Variants in CLSTN1 observed in about 807,000 individuals in gnomAD.
CLSTN1 encodes calsyntenin-1.
In CLSTN1, 28 loss-of-function variants were observed where a neutral mutation model predicts 108.3. The ratio of observed to expected loss-of-function variants is 0.26; its 90% confidence interval spans 0.19 to 0.35. CLSTN1 has a LOEUF of 0.35. Among genes scored for constraint, CLSTN1 ranks in the 10% least tolerant of loss-of-function variants. The pLI is 1.00. For synonymous variants in CLSTN1, 524 were observed against 534.9 expected, an observed-to-expected ratio of 0.98 and a Z score of 0.28; for missense variants, 1,157 against 1,302.6, an observed-to-expected ratio of 0.89 and a Z score of 1.72.
At position 9,743,965 on chromosome 1, in the gene CLSTN1, G is replaced by A; in HGVS notation, c.1275C>T (p.Cys425=). 1 of 1,614,160 alleles carries A rather than the reference G, an allele frequency of 6.2e-7. No homozygotes were observed. The highest frequency in any genetic ancestry group is 8.5e-7 in the Non-Finnish European group (1 of 1,180,004). ...CCTGACGGAAGAGGAAGATCAGCCGGCACCCGTGGACATAGAGGGAGTAGT... is the reference window on the plus strand; with the variant it reads ...CCTGACGGAAGAGGAAGATCAGCCGACACCCGTGGACATAGAGGGAGTAGT... ...RHHYSLYVHG[C]RLIFLFRQDP... Residue 425 remains cysteine (C), a synonymous_variant, in exon 9 of 19, where the codon TGC becomes TGT. Coordinates refer to ENST00000377298, the MANE Select transcript of CLSTN1 (RefSeq NM_001009566.3).
chr1:9,759,730 A>T (rs1651979213), intron 2 of CLSTN1, among the ~76,000 whole-genome samples: 1 of 152,248 alleles, frequency 6.6e-6, no homozygotes, highest in African/African-American at 2.4e-5. Flanking sequence ...AAAGCTTAAA[A>T]TAGTCCCTAT....
chr1:9,741,365 A>G (rs1203704016), intron 9 of CLSTN1, 109 bp from the exon 10 acceptor site: 2 of 1,106,574 alleles, frequency 1.8e-6, no homozygotes, highest in Admixed American at 5.1e-5. Context: ...GAGGAAAAGG[A>G]TGAAAAAAAT....
At position 9,734,277 on chromosome 1, in the gene CLSTN1, G is replaced by C. The variant is rs1232255116; in HGVS notation, c.2111-135C>G. Reference sequence around the variant, plus strand: ...GGACCAACGACAGAAGCAAGCGAGAGTTGCTTTCAAGAAACGGCTGGGCGC... The same window carrying C: ...GGACCAACGACAGAAGCAAGCGAGACTTGCTTTCAAGAAACGGCTGGGCGC... On this transcript the variant is annotated intron_variant, in intron 14 of 18. Transcript: ENST00000377298. The surrounding 1 kb of genome is among the most constrained non-coding windows in gnomAD (Gnocchi z 4.8). 1 of 869,624 alleles carries C rather than the reference G, an allele frequency of 1.1e-6. No individual in the cohort carries two copies. The highest frequency in any genetic ancestry group is 1.8e-6 in the Non-Finnish European group (1 of 567,520). The allele number at this position is 869,624 out of a possible 1,614,324, so 53.9% of individuals were successfully genotyped here.
chr1:9,789,812 T>C (rs953934698), intron 1 of CLSTN1, among the ~76,000 whole-genome samples: 3 of 151,268 alleles, frequency 2.0e-5, no homozygotes, highest in African/African-American at 7.2e-5. Flanking sequence ...AACCCGTCTC[T>C]AGTAAAAAAT....
chr1:9,758,709 CA>C (rs1651933508), intron 2 of CLSTN1, among the ~76,000 whole-genome samples: 1 of 152,206 alleles, frequency 6.6e-6, no homozygotes, highest in African/African-American at 2.4e-5. Flanking sequence ...TACTACCTAA[CA>C]GTGAGAATCC....
chr1:9,758,912 G>A (rs1008246800), intron 2 of CLSTN1, among the ~76,000 whole-genome samples: 31 of 152,258 alleles, frequency 2.0e-4, no homozygotes, highest in Admixed American at 3.3e-4. Flanking sequence ...GCCTCTGTAC[G>A]CCTGTGCTGC....
chr1:9,736,153 C>G, intron 11 of CLSTN1, 111 bp from the exon 12 acceptor site: 1 of 1,288,570 alleles, frequency 7.8e-7, no homozygotes, highest in Non-Finnish European at 1.1e-6. Flanking sequence ...GATGGACATG[C>G]GGGTTAGTTC....
At chr1:9,802,731 T>C (rs1351439140) in intron 1 of CLSTN1, among the ~76,000 whole-genome samples, 2 of 152,148 alleles carry the variant, frequency 1.3e-5, no homozygotes, top group Admixed American at 6.6e-5. Flanking sequence ...TGTTTCCTCT[T>C]TGGTAAAATG....
intron 16 of CLSTN1, 106 bp downstream of exon 16, chr1:9,733,295 C>T: frequency 7.2e-7 from 1 of 1,382,414 alleles, no homozygotes; most frequent in South Asian, 1.2e-5. Context: ...TGTATAGCTG[C>T]CATCATGAAT....
At chr1:9,768,412 C>CAT (rs111523731) in intron 2 of CLSTN1, among the ~76,000 whole-genome samples, 1 of 36,152 alleles carries the variant, frequency 2.8e-5, no homozygotes, top group African/African-American at 1.1e-4. Context: ...TGGGCGGCAC[C>CAT]GGGGGGCGGG....
intron 4 of CLSTN1, among the ~76,000 whole-genome samples, chr1:9,752,027 G>A (rs766027404): frequency 3.3e-5 from 5 of 151,992 alleles, no homozygotes; most frequent in African/African-American, 7.2e-5. Context: ...AATACCAGAC[G>A]TCTGTTTGCT....
At chr1:9,795,381 G>C (rs1653944551) in intron 1 of CLSTN1, among the ~76,000 whole-genome samples, 1 of 150,988 alleles carries the variant, frequency 6.6e-6, no homozygotes, top group Admixed American at 6.7e-5. Context: ...GGTCAGGATG[G>C]TCTGAAACTC....
chr1:9,813,243 A>G (rs907550452), intron 1 of CLSTN1, among the ~76,000 whole-genome samples: 2 of 152,260 alleles, frequency 1.3e-5, no homozygotes, highest in South Asian at 2.1e-4. Context: ...CACGCCTGTA[A>G]TCCTAGCACT....
chr1:9,738,390 C>A (rs1339195788), intron 10 of CLSTN1, among the ~76,000 whole-genome samples: 1 of 152,186 alleles, frequency 6.6e-6, no homozygotes, highest in Non-Finnish European at 1.5e-5. Context: ...TGTGCTAGGG[C>A]CCCTTTTGGG....
chr1:9,734,194 G>A lies in CLSTN1; in HGVS notation c.2111-52C>T, dbSNP rs778236114. ...TTAAGTAGGGGCAGTGGGGCCCAGC[G>A]TGGCGGGGCACACTGGATGCCCTGC... On this transcript the variant is annotated intron_variant, in intron 14 of 18. Coordinates refer to ENST00000377298, the MANE Select transcript of CLSTN1 (RefSeq NM_001009566.3). This position sits in a 1 kb window ranked among gnomAD's most constrained non-coding sequence, Gnocchi z 4.8. The A allele has an allele frequency of 5.8e-5, 92 of 1,576,142 alleles. 1 individual carries two copies. The East Asian group carries it at 6.3e-4, about 11-fold the overall frequency.
chr1:9,786,423 C>A (rs893879759), intron 1 of CLSTN1, among the ~76,000 whole-genome samples: 19 of 152,040 alleles, frequency 1.2e-4, no homozygotes, highest in African/African-American at 4.6e-4. Flanking sequence ...AGGCTGATCA[C>A]CTGAAGTCAG....
intron 1 of CLSTN1, among the ~76,000 whole-genome samples, chr1:9,804,263 T>TG (rs1654410347): frequency 6.8e-6 from 1 of 146,938 alleles, no homozygotes; most frequent in South Asian, 2.1e-4. Flanking sequence ...CTCAGGAGGC[T>TG]GAGGCAGGAG....
rs1653732558 is a variant in CLSTN1 at position 9,790,839 on chromosome 1, A to G, written c.92-17445T>C. Among the ~76,000 whole-genome samples, 2 of 147,374 alleles carry G rather than the reference A, an allele frequency of 1.4e-5. 1 individual carries two copies. The highest frequency in any genetic ancestry group is 1.4e-4 in the Admixed American group (2 of 14,378). Reference sequence around the variant, plus strand: ...AAATGTGCTTTTAAAAATTAGGATTAAAAAAAAAACAGGGCCGGGCGCGGC... The same window carrying G: ...AAATGTGCTTTTAAAAATTAGGATTGAAAAAAAAACAGGGCCGGGCGCGGC... On this transcript the variant is annotated intron_variant, in intron 1 of 18. Transcript: ENST00000377298.
chr1:9,734,112 A>G lies in CLSTN1; in HGVS notation c.2141T>C (p.Val714Ala). 1 of 1,614,102 alleles carries G rather than the reference A, an allele frequency of 6.2e-7. No homozygotes were observed. Among genetic ancestry groups the G allele is most frequent in the Non-Finnish European group, 8.5e-7 (1 of 1,180,016 alleles). Residue 714 changes from valine to alanine, a missense_variant, in exon 15 of 19, where the codon GTG becomes GCG. Transcript: ENST00000377298. The surrounding 1 kb of genome is among the most constrained non-coding windows in gnomAD (Gnocchi z 4.8). ...GACCTCACAGGTATCCAGGTCGTGCACGATCTCCTCGGACACCAGTGATTC... is the reference window on the plus strand; with the variant it reads ...GACCTCACAGGTATCCAGGTCGTGCGCGATCTCCTCGGACACCAGTGATTC... ...VQESLVSEEI[V>A]HDLDTCEVTV... is the part of the protein sequence containing the mutation.
Sources: allele counts gnomAD v4.1 joint callset (sites outside exome capture counted in the v4.1 genomes callset), GRCh38; gene constraint gnomAD v4.1.1; non-coding constraint Gnocchi (gnomAD v3.1); transcripts MANE v1.5; gene names NCBI Gene and HGNC (gene_info 2026-07-23, HGNC 2026-07-21).